COBL: variants seen among roughly 807,000 people sequenced by gnomAD.
COBL encodes protein cordon-bleu.
In COBL, 51 loss-of-function variants were observed where a neutral mutation model predicts 98.8. The observed-to-expected ratio is 0.52, with a 90% confidence interval of 0.41 to 0.65. The LOEUF (loss-of-function observed/expected upper bound fraction) is 0.65. Ranked by LOEUF, COBL falls within the 30% of genes least tolerant of loss-of-function variation. COBL has a pLI of 0.00. For synonymous variants in COBL, 634 were observed against 651.7 expected, an observed-to-expected ratio of 0.97 and a Z score of 0.41; for missense variants, 1,617 against 1,617.5, an observed-to-expected ratio of 1.00 and a Z score of 0.01.
intron 7 of COBL, chr7:51,073,374 C>T: frequency 1.4e-6 from 1 of 694,176 alleles, no homozygotes. Context: ...GGGAATGACG[C>T]ACAGCAATAA....
At chr7:51,294,284 C>T (rs1801188742) in intron 1 of COBL, among the ~76,000 whole-genome samples, 1 of 143,416 alleles carries the variant, frequency 7.0e-6, no homozygotes, top group Non-Finnish European at 1.5e-5. Flanking sequence ...GAGTGAGACT[C>T]CATCTCAAAA....
At chr7:51,189,218 C>T (rs1360922427) in intron 4 of COBL, among the ~76,000 whole-genome samples, 1 of 152,166 alleles carries the variant, frequency 6.6e-6, no homozygotes, top group Non-Finnish European at 1.5e-5. Flanking sequence ...AAAACCCTCT[C>T]TTGAATGTCA....
chr7:51,178,770 G>A (rs941595106), intron 5 of COBL, among the ~76,000 whole-genome samples: 4 of 151,936 alleles, frequency 2.6e-5, no homozygotes, highest in East Asian at 1.9e-4. Context: ...CACCATGCCC[G>A]GCTAATTTTT....
chr7:51,316,670 C>A lies in COBL; in HGVS notation c.-37G>T. ...CCGGGACGCGGGCGGTGCTCCGGGCCCGCCGAGTCAGGCGCTGGCTACCGC... is the reference window on the plus strand; with the variant it reads ...CCGGGACGCGGGCGGTGCTCCGGGCACGCCGAGTCAGGCGCTGGCTACCGC... On this transcript the variant is annotated 5_prime_UTR_variant, in exon 1 of 13. Coordinates refer to ENST00000265136, the MANE Select transcript of COBL (RefSeq NM_015198.5). 8.4e-7 allele frequency: 1 copy of A among 1,189,488 alleles called. No individual in the cohort carries two copies. Among genetic ancestry groups the A allele is most frequent in the Non-Finnish European group, 1.0e-6 (1 of 959,888 alleles). 73.7% of individuals were successfully genotyped at this position (1,189,488 alleles called of 1,614,324 possible). A position where few individuals can be genotyped will look rare whatever the true frequency, so the allele number is the denominator to read the frequency against.
intron 1 of COBL, among the ~76,000 whole-genome samples, chr7:51,272,124 T>C (rs1281490268): frequency 6.6e-6 from 1 of 152,234 alleles, no homozygotes; most frequent in African/African-American, 2.4e-5. Context: ...GCATATTTTT[T>C]AAGCATTTAA....
At chr7:51,224,568 G>GA (rs916762747) in intron 1 of COBL, among the ~76,000 whole-genome samples, 80 of 145,058 alleles carry the variant, frequency 5.5e-4, no homozygotes, top group South Asian at 1.1e-3. Flanking sequence ...AGAGAAAAAG[G>GA]AAAAAAAAAA....
At chr7:51,227,952 G>C (rs557519300) in intron 1 of COBL, among the ~76,000 whole-genome samples, 72 of 152,286 alleles carry the variant, frequency 4.7e-4, no homozygotes, top group South Asian at 1.0e-3. Flanking sequence ...TCACACTGCA[G>C]CCCACAGAAT....
intron 6 of COBL, among the ~76,000 whole-genome samples, chr7:51,098,558 A>G (rs1419664593): frequency 6.6e-6 from 1 of 152,190 alleles, no homozygotes; most frequent in African/African-American, 2.4e-5. Context: ...CAAAATATTC[A>G]AATACAAAAG....
intron 1 of COBL, among the ~76,000 whole-genome samples, chr7:51,225,928 C>A (rs1794134907): frequency 1.3e-5 from 2 of 152,182 alleles, no homozygotes; most frequent in South Asian, 4.1e-4. Context: ...CACTGCCCAG[C>A]CAGGCTGGTC....
intron 2 of COBL, among the ~76,000 whole-genome samples, chr7:51,218,752 A>G (rs765496271): frequency 2.0e-5 from 3 of 152,228 alleles, no homozygotes; most frequent in Admixed American, 6.5e-5. Context: ...ATGGGACTAC[A>G]GGCCACCGTG....
At chr7:51,073,986 C>T (rs1038695655) in intron 7 of COBL, among the ~76,000 whole-genome samples, 3 of 151,978 alleles carry the variant, frequency 2.0e-5, no homozygotes, top group African/African-American at 7.2e-5. Flanking sequence ...GGAGACTGAC[C>T]TGTGGTGCAA....
chr7:51,020,029 C>T (rs546453730), intron 12 of COBL, among the ~76,000 whole-genome samples: 5 of 152,210 alleles, frequency 3.3e-5, no homozygotes, highest in East Asian at 3.9e-4. Flanking sequence ...GCGTGTGGCC[C>T]GCATCAATTA....
intron 7 of COBL, among the ~76,000 whole-genome samples, chr7:51,080,018 C>T (rs1488640982): frequency 6.6e-6 from 1 of 152,138 alleles, no homozygotes; most frequent in Non-Finnish European, 1.5e-5. Flanking sequence ...GGGCTTTGTG[C>T]TTGGGCTGAG....
chr7:51,271,498 T>G (rs1196127332), intron 1 of COBL, among the ~76,000 whole-genome samples: 2 of 152,210 alleles, frequency 1.3e-5, no homozygotes, highest in Non-Finnish European at 2.9e-5. Flanking sequence ...CACTAGTTAA[T>G]TTTACAGAAG....
intron 1 of COBL, among the ~76,000 whole-genome samples, chr7:51,297,640 G>A (rs1435286888): frequency 1.3e-5 from 2 of 152,012 alleles, no homozygotes; most frequent in African/African-American, 2.4e-5. Context: ...TGATCTGCCC[G>A]CCTCAGCCTC....
At chr7:51,062,044 T>C (rs1270369194) in intron 7 of COBL, among the ~76,000 whole-genome samples, 1 of 152,104 alleles carries the variant, frequency 6.6e-6, no homozygotes, top group African/African-American at 2.4e-5. Context: ...GATTTTGGAA[T>C]AAATATTCCA....
chr7:51,122,782 C>G (rs1797854665), intron 6 of COBL, among the ~76,000 whole-genome samples: 1 of 152,034 alleles, frequency 6.6e-6, no homozygotes, highest in Non-Finnish European at 1.5e-5. Flanking sequence ...AGTTCGAGAC[C>G]AGCCTGTGCA....
At chr7:51,163,955 C>T (rs1787058452) in intron 5 of COBL, among the ~76,000 whole-genome samples, 1 of 152,158 alleles carries the variant, frequency 6.6e-6, no homozygotes, top group Non-Finnish European at 1.5e-5. Context: ...TTGCATTTTG[C>T]TCAGCAATGC....
At chr7:51,168,977 A>T (rs574997548) in intron 5 of COBL, among the ~76,000 whole-genome samples, 2 of 152,298 alleles carry the variant, frequency 1.3e-5, no homozygotes, top group East Asian at 3.9e-4. Context: ...AGGGGATTCC[A>T]GAGTTAACTT....
Sources: allele counts gnomAD v4.1 joint callset (sites outside exome capture counted in the v4.1 genomes callset), GRCh38; gene constraint gnomAD v4.1.1; transcripts MANE v1.5; gene names NCBI Gene and HGNC (gene_info 2026-07-23, HGNC 2026-07-21).